Variants in CEP128 observed in about 807,000 individuals in gnomAD.
The protein encoded by CEP128 is centrosomal protein 128kDa.
A neutral mutation model predicts 156.7 loss-of-function variants in CEP128; 132 were observed. The observed-to-expected ratio is 0.84, with a 90% CI of 0.73 to 0.97. The LOEUF (loss-of-function observed/expected upper bound fraction) is 0.97. Ranked by LOEUF, CEP128 falls within the 50% of genes least tolerant of loss-of-function variation. The pLI, the probability that CEP128 is intolerant of heterozygous loss-of-function variation, is 0.00. For missense variants in CEP128, 1,252 were observed against 1,281.9 expected (o/e 0.98, Z 0.36); for synonymous variants, 469 against 448.9 (o/e 1.04, Z -0.57).
rs141880051 is a variant in CEP128, at chr14:80,616,077, A to G, written c.2807-35654T>C. On this transcript the variant is annotated intron_variant, in intron 19 of 24. Coordinates refer to ENST00000555265, the MANE Select transcript of CEP128 (RefSeq NM_152446.5). ...AAACCACATCTGTGCTTTACTTAGA[A>G]AAGAGTAAAGGTCGCCGGTGGCCTG... 7.1e-3 allele frequency among the ~76,000 whole-genome samples: 1,081 copies of G among 152,326 alleles called. 17 individuals carry two copies. Among genetic ancestry groups the G allele is most frequent in the African/African-American group, 0.025 (1,038 of 41,576 alleles).
At chr14:80,536,211 T>A (rs994292346) in intron 21 of CEP128, among the ~76,000 whole-genome samples, 2 of 152,192 alleles carry the variant, frequency 1.3e-5, no homozygotes, top group Non-Finnish European at 2.9e-5. Flanking sequence ...ATTCTTAGAT[T>A]CCTGTCTCCT....
chr14:80,926,014 T>C (rs1885125001), intron 2 of CEP128, among the ~76,000 whole-genome samples: 3 of 152,200 alleles, frequency 2.0e-5, no homozygotes, highest in Admixed American at 2.0e-4. Context: ...TTCCTGATCC[T>C]ACCTCACAGG....
At chr14:80,500,892 C>T (rs972974554) in intron 24 of CEP128, among the ~76,000 whole-genome samples, 4 of 151,944 alleles carry the variant, frequency 2.6e-5, no homozygotes, top group East Asian at 3.8e-4. Context: ...GATACTATGA[C>T]ATTTCTCTTC....
chr14:80,878,857 C>A (rs756646289), intron 8 of CEP128, among the ~76,000 whole-genome samples: 1 of 152,176 alleles, frequency 6.6e-6, no homozygotes, highest in Non-Finnish European at 1.5e-5. Context: ...TCTGACCTCA[C>A]GACCACTCTG....
chr14:80,588,851 C>T (rs1891929074), intron 19 of CEP128, among the ~76,000 whole-genome samples: 1 of 151,992 alleles, frequency 6.6e-6, no homozygotes, highest in East Asian at 1.9e-4. Context: ...AATATTTTTG[C>T]TAAACCTCCA....
chr14:80,669,554 A>G (rs976752324), intron 19 of CEP128, among the ~76,000 whole-genome samples: 9 of 152,244 alleles, frequency 5.9e-5, no homozygotes, highest in Admixed American at 1.3e-4. Flanking sequence ...GCCAACAAGC[A>G]TATGAGAAAA....
rs397973196 is a variant in CEP128 at position 80,895,798 on chromosome 14, G to GAAAA, written c.573-12_573-9dup. 0.32 allele frequency: 394,912 copies of GAAAA among 1,221,064 alleles called. 26,285 individuals are homozygous for GAAAA. Among genetic ancestry groups the GAAAA allele is most frequent in the African/African-American group, 0.39 (23,974 of 61,152 alleles). 75.6% of individuals were successfully genotyped at this position (1,221,064 alleles called of 1,614,324 possible). On this transcript the variant is annotated splice_polypyrimidine_tract_variant and intron_variant, in intron 7 of 24. Transcript: ENST00000555265. ...TTTGTTTCGGCATCTGACCTAGGAAGAAAAAAAAAAAAAAGATTTAAATTT... is the reference window on the plus strand; with the variant it reads ...TTTGTTTCGGCATCTGACCTAGGAAGAAAAAAAAAAAAAAAAAAGATTTAAATTT...
intron 9 of CEP128, among the ~76,000 whole-genome samples, chr14:80,841,298 C>G (rs1409855148): frequency 6.6e-6 from 1 of 151,960 alleles, no homozygotes; most frequent in East Asian, 1.9e-4. Context: ...TGTGTAAAGT[C>G]CATACAGCTT....
intron 19 of CEP128, among the ~76,000 whole-genome samples, chr14:80,619,205 C>T (rs1033481314): frequency 6.6e-6 from 1 of 151,972 alleles, no homozygotes; most frequent in African/African-American, 2.4e-5. Flanking sequence ...TATGTGAAAT[C>T]CCCATTTAGA....
At chr14:80,929,445 A>G (rs1885329764) in intron 2 of CEP128, among the ~76,000 whole-genome samples, 1 of 152,224 alleles carries the variant, frequency 6.6e-6, no homozygotes, top group South Asian at 2.1e-4. Context: ...ACAATTCACA[A>G]TTGCAACGAT....
chr14:80,809,141 A>G (rs560858589), intron 13 of CEP128, among the ~76,000 whole-genome samples: 2 of 152,300 alleles, frequency 1.3e-5, no homozygotes, highest in East Asian at 1.9e-4. Flanking sequence ...AATTTGGGAT[A>G]TAAATGAGAA....
At chr14:80,679,506 A>T (rs61979403) in intron 19 of CEP128, among the ~76,000 whole-genome samples, 2,271 of 152,262 alleles carry the variant, frequency 0.015, 26 homozygotes, top group Non-Finnish European at 0.025. Flanking sequence ...CAGTACCCTC[A>T]GGCTTACTAG....
At chr14:80,527,734 T>C (rs1467513358) in intron 22 of CEP128, among the ~76,000 whole-genome samples, 2 of 152,172 alleles carry the variant, frequency 1.3e-5, no homozygotes, top group African/African-American at 4.8e-5. Context: ...ACTTCACTTA[T>C]CCATAAACAA....
intron 8 of CEP128, among the ~76,000 whole-genome samples, chr14:80,872,869 G>A (rs1207479673): frequency 6.6e-6 from 1 of 152,094 alleles, no homozygotes; most frequent in East Asian, 1.9e-4. Flanking sequence ...AACATCATGT[G>A]GCCTTCAGAA....
intron 13 of CEP128, among the ~76,000 whole-genome samples, chr14:80,829,778 T>A (rs1885684109): frequency 6.6e-6 from 1 of 152,192 alleles, no homozygotes; most frequent in Non-Finnish European, 1.5e-5. Context: ...ACTCAAATTC[T>A]TCCCCTAACC....
chr14:80,680,385 T>C (rs996203519), intron 19 of CEP128, among the ~76,000 whole-genome samples: 3 of 152,096 alleles, frequency 2.0e-5, no homozygotes, highest in African/African-American at 7.2e-5. Flanking sequence ...CCTTCGTGGA[T>C]ATAGATCCTG....
chr14:80,799,448 A>G (rs1404608020), intron 13 of CEP128, among the ~76,000 whole-genome samples: 1 of 152,232 alleles, frequency 6.6e-6, no homozygotes, highest in Non-Finnish European at 1.5e-5. Context: ...TGCACCTTGA[A>G]AAAGAACAGA....
chr14:80,580,322 TA>T, intron 20 of CEP128, 51 bp downstream of exon 20: 1 of 1,196,592 alleles, frequency 8.4e-7, no homozygotes, highest in South Asian at 1.3e-5. Context: ...GATAAAAGAG[TA>T]AAAAACAAAT....
At chr14:80,598,952 A>G (rs1255063670) in intron 19 of CEP128, among the ~76,000 whole-genome samples, 3 of 152,210 alleles carry the variant, frequency 2.0e-5, no homozygotes, top group African/African-American at 4.8e-5. Flanking sequence ...GAAATGTTCT[A>G]TATCTTGACA....
Sources: gnomAD v4.1 joint callset for allele counts (sites outside exome capture counted in the v4.1 genomes callset) on GRCh38, gnomAD v4.1.1 for gene constraint, MANE v1.5 for transcripts, NCBI Gene and HGNC (gene_info 2026-07-23, HGNC 2026-07-21) for gene names.